The following TANGO6 variants were observed in gnomAD, a reference collection of about 807,000 sequenced individuals.
The protein encoded by TANGO6 is transport and Golgi organization protein 6 homolog.
A neutral mutation model predicts 114.2 loss-of-function variants in TANGO6; 90 were observed. The ratio of observed to expected loss-of-function variants is 0.79; its 90% CI spans 0.66 to 0.94. The LOEUF (loss-of-function observed/expected upper bound fraction) is 0.94, where lower values mean the gene tolerates loss of function less well. TANGO6 is among the 40% of genes least tolerant of loss of function. The pLI is 0.00. For synonymous variants in TANGO6, 477 were observed against 509.8 expected (o/e 0.94, Z 0.87); for missense variants, 1,274 against 1,315.3 (o/e 0.97, Z 0.49).
chr16:68,948,091 C>T (rs1439593455), intron 14 of TANGO6: 1 of 152,054 alleles, frequency 6.6e-6, no homozygotes, highest in Non-Finnish European at 1.5e-5. Flanking sequence ...TCAAAGCCCA[C>T]AACACTTGAG....
intron 7 of TANGO6, among the ~76,000 whole-genome samples, chr16:68,884,086 T>G (rs1479352241): frequency 6.6e-6 from 1 of 152,058 alleles, no homozygotes; most frequent in African/African-American, 2.4e-5. Flanking sequence ...ATTTTTGTAT[T>G]TTTTGTAGAG....
intron 15 of TANGO6, among the ~76,000 whole-genome samples, chr16:69,009,852 T>A (rs954013759): frequency 3.2e-4 from 49 of 152,348 alleles, no homozygotes; most frequent in African/African-American, 1.1e-3. Flanking sequence ...TACTTACTTT[T>A]GGCATTTGGT....
chr16:68,908,732 C>A (rs1322153821), intron 10 of TANGO6, among the ~76,000 whole-genome samples: 1 of 152,132 alleles, frequency 6.6e-6, no homozygotes, highest in African/African-American at 2.4e-5. Context: ...CTGGAGGCAT[C>A]TCATGGTCTC....
chr16:69,075,036 T>C (rs1960353839), intron 17 of TANGO6, among the ~76,000 whole-genome samples: 1 of 151,884 alleles, frequency 6.6e-6, no homozygotes, highest in East Asian at 1.9e-4. Flanking sequence ...GAGACGGGGT[T>C]TCGCCATGTT....
chr16:68,873,111 C>G (rs1962304039), intron 4 of TANGO6, among the ~76,000 whole-genome samples: 1 of 151,648 alleles, frequency 6.6e-6, no homozygotes, highest in African/African-American at 2.4e-5. Context: ...CTCAACCCTC[C>G]CCCCATGTCC....
intron 10 of TANGO6, among the ~76,000 whole-genome samples, chr16:68,908,670 A>T (rs577897552): frequency 6.6e-6 from 1 of 152,200 alleles, no homozygotes; most frequent in Admixed American, 6.5e-5. Flanking sequence ...ACAGTAATAC[A>T]TGATTTCTTA....
chr16:68,892,597 C>G (rs928918807), intron 7 of TANGO6, among the ~76,000 whole-genome samples: 1 of 151,504 alleles, frequency 6.6e-6, no homozygotes, highest in Non-Finnish European at 1.5e-5. Flanking sequence ...TCACTGCAAC[C>G]TCCGCCTCCT....
At chr16:68,857,650 T>G (rs1962019918) in intron 1 of TANGO6, among the ~76,000 whole-genome samples, 1 of 152,104 alleles carries the variant, frequency 6.6e-6, no homozygotes, top group Non-Finnish European at 1.5e-5. Context: ...TGAATGAGAG[T>G]TCCTGTTGCT....
At chr16:68,879,618 T>TC (rs1223880636) in intron 6 of TANGO6, among the ~76,000 whole-genome samples, 1 of 149,414 alleles carries the variant, frequency 6.7e-6, no homozygotes, top group African/African-American at 2.5e-5. Context: ...CCATTTTCTT[T>TC]CTTTTTTTTT....
intron 11 of TANGO6, among the ~76,000 whole-genome samples, chr16:68,913,029 G>A (rs1406013539): frequency 1.3e-5 from 2 of 149,172 alleles, no homozygotes; most frequent in African/African-American, 4.9e-5. Flanking sequence ...GCAGTGAGCC[G>A]AGATTGCGCC....
At chr16:68,966,803 G>A (rs963357723) in intron 14 of TANGO6, among the ~76,000 whole-genome samples, 18 of 139,336 alleles carry the variant, frequency 1.3e-4, no homozygotes, top group South Asian at 1.1e-3. Flanking sequence ...AGACAGTCTC[G>A]CTCTGTCACT....
chr16:68,898,528 T>A (rs996826778), intron 7 of TANGO6, among the ~76,000 whole-genome samples: 2 of 152,102 alleles, frequency 1.3e-5, no homozygotes, highest in Non-Finnish European at 2.9e-5. Context: ...TTTATAGTGA[T>A]GGGGTCTCAC....
Position 68,880,589 on chromosome 16 carries a change from A to T in TANGO6, c.1336A>T (p.Thr446Ser). The change falls in exon 7 of 18, where the codon ACA (threonine) becomes TCA (serine). Residue 446 changes from threonine to serine, a missense_variant. By Grantham distance (58) the Thr-to-Ser change is moderately conservative. Transcript: ENST00000261778. ...CATGGTACCAGGAACTATTTTGGTG[A>T]CAGAAGAAGAACTTAGTAGATGCAT... ...SDMVPGTILV[T>S]EEELSRCIED... 1.2e-6 allele frequency: 2 copies of T among 1,613,016 alleles called. No individual in the cohort carries two copies. The highest frequency in any genetic ancestry group is 4.5e-5 in the East Asian group (2 of 44,764).
At chr16:69,042,383 CT>C (rs1276682288) in intron 17 of TANGO6, among the ~76,000 whole-genome samples, 2 of 152,060 alleles carry the variant, frequency 1.3e-5, no homozygotes, top group Admixed American at 6.6e-5. Flanking sequence ...CCCGTCTCTA[CT>C]AAAAATACAA....
At chr16:68,903,967 C>A (rs1451841586) in intron 9 of TANGO6, among the ~76,000 whole-genome samples, 1 of 151,808 alleles carries the variant, frequency 6.6e-6, no homozygotes, top group Non-Finnish European at 1.5e-5. Context: ...ATAAGAGCAG[C>A]TTGGATTTTA....
In TANGO6 at chr16:68,974,096, A is replaced by G. The variant is rs1567551333; in HGVS notation, c.2770A>G (p.Ser924Gly). The G allele has an allele frequency of 3.1e-6, 5 of 1,613,914 alleles. No homozygotes were observed. The highest frequency in any genetic ancestry group is 4.2e-6 in the Non-Finnish European group (5 of 1,179,860). ...GGACTTGTTGGCTCAATATGACAGCAGCAAAGACAAGCACACACCAGAGAC... is the reference window on the plus strand; with the variant it reads ...GGACTTGTTGGCTCAATATGACAGCGGCAAAGACAAGCACACACCAGAGAC... Reference protein sequence around the residue: ...LPDLLAQYDSSKDKHTPETRM... With the variant: ...LPDLLAQYDSGKDKHTPETRM... Residue 924 changes from serine to glycine, a missense_variant, in exon 15 of 18, where the codon AGC becomes GGC. Transcript: ENST00000261778.
intron 14 of TANGO6, among the ~76,000 whole-genome samples, chr16:68,969,254 A>G (rs1963679812): frequency 6.6e-6 from 1 of 152,126 alleles, no homozygotes; most frequent in Non-Finnish European, 1.5e-5. Flanking sequence ...TCAAGTCACA[A>G]AGGAATTATC....
intron 14 of TANGO6, among the ~76,000 whole-genome samples, chr16:68,969,883 C>T (rs1349509874): frequency 6.6e-6 from 1 of 152,136 alleles, no homozygotes; most frequent in African/African-American, 2.4e-5. Flanking sequence ...TCTTCTTCTT[C>T]TCCCTCCCTC....
chr16:69,015,607 G>A (rs1021279236), intron 15 of TANGO6, among the ~76,000 whole-genome samples: 9 of 151,742 alleles, frequency 5.9e-5, no homozygotes, highest in East Asian at 1.9e-4. Context: ...TCAGCTTCCC[G>A]AGTAGCTGGG....
Sources: allele counts gnomAD v4.1 joint callset (sites outside exome capture counted in the v4.1 genomes callset), GRCh38; gene constraint gnomAD v4.1.1; transcripts MANE v1.5; gene names NCBI Gene and HGNC (gene_info 2026-07-23, HGNC 2026-07-21).